The following DLC1 variants were observed in gnomAD, a reference collection of about 807,000 sequenced individuals.
The protein encoded by DLC1 is rho GTPase-activating protein 7.
Under a neutral mutation model 140.3 loss-of-function variants are expected in DLC1, and 54 were observed. The ratio of observed to expected loss-of-function variants is 0.38; its 90% CI spans 0.31 to 0.48. The LOEUF (loss-of-function observed/expected upper bound fraction) is 0.48, where lower values mean the gene tolerates loss of function less well. Ranked by LOEUF, DLC1 falls within the 20% of genes least tolerant of loss-of-function variation. DLC1 has a pLI of 0.96. For missense variants in DLC1, 2,536 were observed against 1,907.0 expected, an observed-to-expected ratio of 1.33 and a Z score of -6.14; for synonymous variants, 986 against 728.1, an observed-to-expected ratio of 1.35 and a Z score of -5.70.
chr8:13,561,712 T>C (rs2117382699), intron 1 of DLC1, among the ~76,000 whole-genome samples: 1 of 152,326 alleles, frequency 6.6e-6, no homozygotes, highest in South Asian at 2.1e-4. Flanking sequence ...ATCATGTAGG[T>C]AATTCTGACT....
At chr8:13,332,711 G>C (rs902119277) in intron 4 of DLC1, among the ~76,000 whole-genome samples, 2 of 152,128 alleles carry the variant, frequency 1.3e-5, no homozygotes, top group African/African-American at 4.8e-5. Context: ...GAGCCACCAT[G>C]TCTGGCCCAC....
At chr8:13,506,827 G>C (rs946134559) in intron 1 of DLC1, among the ~76,000 whole-genome samples, 3 of 151,958 alleles carry the variant, frequency 2.0e-5, no homozygotes, top group Non-Finnish European at 2.9e-5. Flanking sequence ...GAACGAAGAA[G>C]AAGACACCTC....
chr8:13,241,357 C>T (rs932132753), intron 5 of DLC1, among the ~76,000 whole-genome samples: 2 of 152,156 alleles, frequency 1.3e-5, no homozygotes, highest in African/African-American at 4.8e-5. Flanking sequence ...TGGGAGGCAA[C>T]ATCACACATG....
intron 4 of DLC1, among the ~76,000 whole-genome samples, chr8:13,383,317 T>C (rs1168371412): frequency 2.6e-5 from 4 of 152,172 alleles, no homozygotes; most frequent in Non-Finnish European, 4.4e-5. Context: ...GGGTCTACGG[T>C]TGTTATTCCA....
In DLC1 at chr8:13,099,394, C is replaced by A. The variant is rs1390924743; in HGVS notation, c.2943G>T (p.Pro981=). ...LNEPEEPSEI[P]ERRDSGVGAS... ...CCCCAACCCCAGAATCCCTTCTTTC[C>A]GGGATCTCGGAGGGCTCTTCCGGTT... The change falls in exon 9 of 18, where the codon CCG becomes CCT. Residue 981 remains proline, a synonymous_variant. Coordinates refer to ENST00000276297, the MANE Select transcript of DLC1 (RefSeq NM_182643.3). 6.2e-7 allele frequency: 1 copy of A among 1,613,898 alleles called. No homozygotes were observed. The highest frequency in any genetic ancestry group is 8.5e-7 in the Non-Finnish European group (1 of 1,180,014).
intron 1 of DLC1, among the ~76,000 whole-genome samples, chr8:13,525,890 C>T (rs568004538): frequency 6.6e-6 from 1 of 152,192 alleles, no homozygotes; most frequent in African/African-American, 2.4e-5. Flanking sequence ...GCAAAAAGAT[C>T]TCTGCCTAAT....
At chr8:13,170,351 A>C (rs1379064401) in intron 5 of DLC1, among the ~76,000 whole-genome samples, 2 of 152,252 alleles carry the variant, frequency 1.3e-5, no homozygotes, top group African/African-American at 4.8e-5. Context: ...CTTTCATAGC[A>C]ACTAGAAATT....
At chr8:13,096,238 G>A (rs180767118) in intron 10 of DLC1, among the ~76,000 whole-genome samples, 7 of 152,354 alleles carry the variant, frequency 4.6e-5, no homozygotes, top group Non-Finnish European at 1.0e-4. Flanking sequence ...AACTCAAGAA[G>A]TATTATGGAC....
intron 2 of DLC1, among the ~76,000 whole-genome samples, chr8:13,410,272 A>T (rs1362631567): frequency 1.3e-5 from 2 of 152,182 alleles, no homozygotes; most frequent in African/African-American, 4.8e-5. Flanking sequence ...TAAAGCAAGC[A>T]TTGAGGATAA....
intron 5 of DLC1, among the ~76,000 whole-genome samples, chr8:13,262,404 C>A: frequency 6.7e-6 from 1 of 149,826 alleles, no homozygotes. Flanking sequence ...TTTTTTTTTA[C>A]GAAGTTTGAC....
At position 13,499,525 on chromosome 8, in the gene DLC1, C is replaced by G. The variant is rs1801685986; in HGVS notation, c.547G>C (p.Val183Leu). ...AGGCTTTTACTTATAGAGTCAGTAA[C>G]TTTTCTCTCCCCACTTTCTTTTACC... is the stretch of plus-strand genomic sequence containing the variant. ...ALVKESGERK[V>L]TDSISKSLEL... is the part of the protein sequence containing the mutation. The change falls in exon 2 of 18, where the codon GTT (valine) becomes CTT (leucine). Residue 183 changes from valine (V) to leucine (L), a missense_variant. Val to Leu is a conservative substitution (Grantham distance 32, BLOSUM62 1). Coordinates refer to ENST00000276297, the MANE Select transcript of DLC1 (RefSeq NM_182643.3). 1 of 1,614,004 alleles carries G rather than the reference C, an allele frequency of 6.2e-7. No individual in the cohort carries two copies. Among genetic ancestry groups the G allele is most frequent in the Admixed American group, 1.7e-5 (1 of 60,004 alleles).
chr8:13,426,147 A>T (rs1426541221), intron 2 of DLC1, among the ~76,000 whole-genome samples: 1 of 152,116 alleles, frequency 6.6e-6, no homozygotes, highest in African/African-American at 2.4e-5. Context: ...GCAAGGAAGA[A>T]TCTGATTGGA....
intron 1 of DLC1, among the ~76,000 whole-genome samples, chr8:13,568,992 C>T (rs1022057854): frequency 1.7e-4 from 26 of 152,222 alleles, no homozygotes; most frequent in African/African-American, 5.3e-4. Context: ...GAGAGAAGAA[C>T]GCTTAAACAA....
intron 1 of DLC1, among the ~76,000 whole-genome samples, chr8:13,557,069 A>C (rs117134783): frequency 0.012 from 1,805 of 152,280 alleles, 17 homozygotes; most frequent in Middle Eastern, 0.034. Flanking sequence ...AGGATAACTG[A>C]GTATGAGACA....
intron 2 of DLC1, among the ~76,000 whole-genome samples, chr8:13,474,773 G>A (rs770344780): frequency 2.0e-5 from 3 of 152,192 alleles, no homozygotes; most frequent in Non-Finnish European, 4.4e-5. Context: ...GGACTTGCAA[G>A]GGGCCTGTAG....
chr8:13,297,182 T>A (rs2117486019), intron 5 of DLC1, among the ~76,000 whole-genome samples: 1 of 149,010 alleles, frequency 6.7e-6, no homozygotes, highest in Non-Finnish European at 1.5e-5. Context: ...TTTTCACGGA[T>A]TAGTTTACAT....
intron 4 of DLC1, among the ~76,000 whole-genome samples, chr8:13,325,347 C>A (rs559472037): frequency 3.3e-5 from 5 of 152,062 alleles, no homozygotes; most frequent in South Asian, 4.1e-4. Flanking sequence ...TAATGTGATA[C>A]GTACAAGAAA....
At chr8:13,095,364 C>T (rs1227680443) in intron 10 of DLC1, 119 bp from the exon 11 acceptor site, 1 of 1,273,498 alleles carries the variant, frequency 7.9e-7, no homozygotes, top group Non-Finnish European at 1.1e-6. Context: ...ACGGTGGCTA[C>T]TTAAATTTAA....
intron 5 of DLC1, among the ~76,000 whole-genome samples, chr8:13,176,271 C>T (rs4831403): frequency 0.71 from 107,420 of 152,058 alleles, 39,221 homozygotes; most frequent in African/African-American, 0.88. Context: ...GGGATGAAAA[C>T]TGCCTTCTAA....
Sources: gnomAD v4.1 joint callset for allele counts (sites outside exome capture counted in the v4.1 genomes callset) on GRCh38, gnomAD v4.1.1 for gene constraint, MANE v1.5 for transcripts, NCBI Gene and HGNC (gene_info 2026-07-23, HGNC 2026-07-21) for gene names.